The following FHIP2A variants were observed in gnomAD, a reference collection of about 807,000 sequenced individuals.
FHIP2A encodes family with sequence similarity 160 member B1.
Under a neutral mutation model 93.5 loss-of-function variants are expected in FHIP2A, and 46 were observed. The ratio of observed to expected loss-of-function variants is 0.49; its 90% confidence interval spans 0.39 to 0.63. The LOEUF is 0.63. FHIP2A is among the 20% of genes least tolerant of loss of function. The pLI, the probability that FHIP2A is intolerant of heterozygous loss-of-function variation, is 0.00. For synonymous variants in FHIP2A, 332 were observed against 326.5 expected (o/e 1.02, Z -0.18); for missense variants, 769 against 909.7 (o/e 0.85, Z 1.99).
intron 16 of FHIP2A, among the ~76,000 whole-genome samples, chr10:114,879,815 C>A (rs918251825): frequency 6.6e-6 from 1 of 152,128 alleles, no homozygotes; most frequent in African/African-American, 2.4e-5. Flanking sequence ...TAGCTTCCTT[C>A]GAGCCAATAT....
rs527600513 is a variant in FHIP2A at position 114,844,007 on chromosome 10, A to G, written c.1013+70A>G. 1.3e-4 allele frequency: 166 copies of G among 1,284,458 alleles called. 1 individual carries two copies. The highest frequency in any genetic ancestry group is 2.2e-4 in the Middle Eastern group (1 of 4,586). The allele number at this position is 1,284,458 out of a possible 1,614,324, so 79.6% of individuals were successfully genotyped here. On this transcript the variant is annotated intron_variant, in intron 7 of 16. Coordinates refer to ENST00000369248, the MANE Select transcript of FHIP2A (RefSeq NM_020940.4). ...CACCTACATTTTAAAATCCATTTCT[A>G]TTTTGCAATGGTAGAAGTCTTTGAA...
intron 7 of FHIP2A, 34 bp from the exon 8 acceptor site, chr10:114,845,333 A>T (rs770775540): frequency 9.6e-6 from 12 of 1,255,320 alleles, no homozygotes; most frequent in Non-Finnish European, 1.3e-5. Context: ...CTTTTGGATA[A>T]CTTTGGACTT....
chr10:114,850,853 C>G (rs1260160892), intron 13 of FHIP2A, among the ~76,000 whole-genome samples: 4 of 152,202 alleles, frequency 2.6e-5, no homozygotes, highest in Non-Finnish European at 5.9e-5. Context: ...GTTGCCTTTT[C>G]ACTTTCTTGA....
At chr10:114,865,202 G>A (rs1032068269), downstream of FHIP2A, among the ~76,000 whole-genome samples, 1 of 152,018 alleles carries the variant, frequency 6.6e-6, no homozygotes, top group Non-Finnish European at 1.5e-5. Flanking sequence ...TGATCAGGCT[G>A]GTCTTGAACC....
chr10:114,871,803 T>G (rs1319087477), intron 16 of FHIP2A, among the ~76,000 whole-genome samples: 4 of 152,164 alleles, frequency 2.6e-5, no homozygotes, highest in African/African-American at 9.7e-5. Context: ...TGGCTGGGTG[T>G]TCATGCCCCC....
chr10:114,822,321 G>C (rs11196929), intron 1 of FHIP2A, among the ~76,000 whole-genome samples, 198 bp downstream of exon 1: 61,820 of 151,194 alleles, frequency 0.41, 13,229 homozygotes, highest in Non-Finnish European at 0.48. Context: ...TGGCTCTGCG[G>C]GGGTCCCGTC....
intron 16 of FHIP2A, among the ~76,000 whole-genome samples, chr10:114,885,107 T>G (rs2083935952): frequency 6.6e-6 from 1 of 151,226 alleles, no homozygotes; most frequent in Non-Finnish European, 1.5e-5. Flanking sequence ...TTTTAAAAGG[T>G]GACCCGGCCT....
chr10:114,849,444 C>T (rs2083721622), intron 13 of FHIP2A, among the ~76,000 whole-genome samples: 1 of 152,136 alleles, frequency 6.6e-6, no homozygotes, highest in East Asian at 1.9e-4. Flanking sequence ...GCTCTCACTC[C>T]TTCAGCCCCG....
Position 114,846,334 on chromosome 10 carries a change from G to T in FHIP2A, c.1365G>T (p.Arg455Ser), listed in dbSNP as rs769100051. 1 of 1,614,126 alleles carries T rather than the reference G, an allele frequency of 6.2e-7. No homozygotes were observed. Among genetic ancestry groups the T allele is most frequent in the South Asian group, 1.1e-5 (1 of 91,082 alleles). Residue 455 changes from arginine to serine, a missense_variant, in exon 10 of 17, where the codon AGG becomes AGT. Arg to Ser is a moderately radical substitution (Grantham distance 110). Transcript: ENST00000369248. Reference sequence around the variant, plus strand: ...TCAGCAGACATCCTTTAAGGCATAGGTTAATTGAACATTGTGATCACATAT... The same window carrying T: ...TCAGCAGACATCCTTTAAGGCATAGTTTAATTGAACATTGTGATCACATAT... ...AEISRHPLRHRLIEHCDHISD... is the reference protein window; with the variant it reads ...AEISRHPLRHSLIEHCDHISD...
chr10:114,849,507 A>G (rs2083721937), intron 13 of FHIP2A, among the ~76,000 whole-genome samples: 1 of 152,144 alleles, frequency 6.6e-6, no homozygotes, highest in Non-Finnish European at 1.5e-5. Context: ...TTTGCTTCTA[A>G]ATTAAGGAGA....
intron 16 of FHIP2A, among the ~76,000 whole-genome samples, chr10:114,887,091 G>A (rs1185062822): frequency 6.6e-6 from 1 of 152,136 alleles, no homozygotes; most frequent in Non-Finnish European, 1.5e-5. Flanking sequence ...TTGCACCAGG[G>A]ATGGAAAACT....
At chr10:114,854,808 A>G (rs1039599146) in intron 13 of FHIP2A, among the ~76,000 whole-genome samples, 3 of 152,192 alleles carry the variant, frequency 2.0e-5, no homozygotes, top group Admixed American at 6.6e-5. Flanking sequence ...AACATGTATC[A>G]GTTCATCTGT....
chr10:114,858,938 T>A (rs1415239346), intron 14 of FHIP2A, among the ~76,000 whole-genome samples: 1 of 152,112 alleles, frequency 6.6e-6, no homozygotes, highest in Non-Finnish European at 1.5e-5. Flanking sequence ...ATTTGGTCAT[T>A]ACACATTACA....
intron 16 of FHIP2A, among the ~76,000 whole-genome samples, chr10:114,878,835 C>T (rs981362836): frequency 2.0e-5 from 3 of 151,264 alleles, no homozygotes; most frequent in Non-Finnish European, 4.4e-5. Context: ...GCAGGTGGCT[C>T]ATAGGTGTCC....
intron 16 of FHIP2A, among the ~76,000 whole-genome samples, chr10:114,872,485 A>G (rs1225308122): frequency 2.0e-5 from 3 of 152,210 alleles, no homozygotes; most frequent in Non-Finnish European, 4.4e-5. Flanking sequence ...TAGGGCTGCC[A>G]TAGAGCCTCT....
At chr10:114,847,326 T>C (rs1379266775) in intron 12 of FHIP2A, 93 bp downstream of exon 12, 3 of 1,176,112 alleles carry the variant, frequency 2.6e-6, no homozygotes, top group Non-Finnish European at 1.2e-6. Flanking sequence ...TCTTGCTCTG[T>C]TGCCCACGCT....
At chr10:114,830,812 A>T (rs748684205) in intron 1 of FHIP2A, 40 bp from the exon 2 acceptor site, 1 of 1,385,422 alleles carries the variant, frequency 7.2e-7, no homozygotes, top group African/African-American at 1.4e-5. Flanking sequence ...GAAATTTTCA[A>T]TGCCATTTTC....
intron 1 of FHIP2A, among the ~76,000 whole-genome samples, chr10:114,830,099 T>G (rs979044727): frequency 1.3e-5 from 2 of 152,192 alleles, no homozygotes; most frequent in Non-Finnish European, 2.9e-5. Flanking sequence ...GAAGTTGACT[T>G]TGGTATATGT....
At chr10:114,878,791 A>AAAAAAAAAG (rs1555247326) in intron 16 of FHIP2A, among the ~76,000 whole-genome samples, 51 of 135,426 alleles carry the variant, frequency 3.8e-4, no homozygotes, top group Non-Finnish European at 6.4e-4. Flanking sequence ...AAAAAAAAAA[A>AAAAAAAAAG]AAAGAAAGAA....
Sources: allele counts gnomAD v4.1 joint callset (sites outside exome capture counted in the v4.1 genomes callset), GRCh38; gene constraint gnomAD v4.1.1; transcripts MANE v1.5; gene names NCBI Gene and HGNC (gene_info 2026-07-23, HGNC 2026-07-21).